ADGRL3: variants seen among roughly 807,000 people sequenced by gnomAD.
ADGRL3 encodes the protein calcium-independent alpha-latrotoxin receptor 3.
Under a neutral mutation model 153.5 loss-of-function variants are expected in ADGRL3, and 62 were observed. The ratio of observed to expected loss-of-function variants is 0.40; its 90% CI spans 0.33 to 0.50. ADGRL3 has a LOEUF of 0.50. ADGRL3 is among the 20% of genes least tolerant of loss of function. The probability of loss-of-function intolerance (pLI) is 0.47; values close to 1 mark genes in which losing one functional copy is unlikely to be tolerated. For synonymous variants in ADGRL3, 710 were observed against 672.5 expected, an observed-to-expected ratio of 1.06 and a Z score of -0.86; for missense variants, 1,641 against 1,859.4, an observed-to-expected ratio of 0.88 and a Z score of 2.16.
intron 9 of ADGRL3, among the ~76,000 whole-genome samples, chr4:61,874,419 C>G (rs2098462270): frequency 6.6e-6 from 1 of 152,090 alleles, no homozygotes; most frequent in Non-Finnish European, 1.5e-5. Context: ...TAATCACGTG[C>G]ACATAATCAC....
intron 1 of ADGRL3, among the ~76,000 whole-genome samples, chr4:61,284,949 A>C (rs963055468): frequency 6.8e-6 from 1 of 147,974 alleles, no homozygotes; most frequent in African/African-American, 2.6e-5. Flanking sequence ...TTGTTTTTTC[A>C]TGTATGTTAC....
intron 25 of ADGRL3, among the ~76,000 whole-genome samples, chr4:62,056,668 A>G: frequency 6.6e-6 from 1 of 152,060 alleles, no homozygotes; most frequent in South Asian, 2.1e-4. Flanking sequence ...TCTGAAAACA[A>G]AAACAGAGAG....
At chr4:61,790,490 A>C (rs1186757706) in intron 8 of ADGRL3, among the ~76,000 whole-genome samples, 1 of 152,186 alleles carries the variant, frequency 6.6e-6, no homozygotes, top group East Asian at 1.9e-4. Flanking sequence ...GAACAGTAAA[A>C]GATTAACAAC....
chr4:61,561,799 T>TATC (rs766225216), intron 4 of ADGRL3, among the ~76,000 whole-genome samples: 1 of 151,572 alleles, frequency 6.6e-6, no homozygotes, highest in Non-Finnish European at 1.5e-5. Context: ...ACTTTAGAAT[T>TATC]ATTATTATTA....
At chr4:61,879,926 A>G (rs996848604) in intron 9 of ADGRL3, among the ~76,000 whole-genome samples, 1 of 151,982 alleles carries the variant, frequency 6.6e-6, no homozygotes, top group Admixed American at 6.6e-5. Flanking sequence ...GGGTCTTGCT[A>G]TATTGTCCAG....
intron 1 of ADGRL3, among the ~76,000 whole-genome samples, chr4:61,306,377 C>T (rs1002265545): frequency 5.9e-5 from 9 of 152,082 alleles, no homozygotes; most frequent in African/African-American, 1.4e-4. Flanking sequence ...GGATTACAGG[C>T]GTGAGTCACC....
At chr4:61,286,277 G>A (rs1361588965) in intron 1 of ADGRL3, among the ~76,000 whole-genome samples, 3 of 150,146 alleles carry the variant, frequency 2.0e-5, no homozygotes, top group African/African-American at 4.9e-5. Context: ...CCGAATTCAT[G>A]TAATCCTCAG....
chr4:61,543,714 A>G (rs1352749819), intron 4 of ADGRL3, among the ~76,000 whole-genome samples: 3 of 152,226 alleles, frequency 2.0e-5, no homozygotes, highest in Non-Finnish European at 4.4e-5. Context: ...TCCTTAATAG[A>G]ATAGAAAATG....
At chr4:61,995,237 G>A (rs1027891934) in intron 19 of ADGRL3, among the ~76,000 whole-genome samples, 2 of 150,986 alleles carry the variant, frequency 1.3e-5, no homozygotes, top group African/African-American at 4.9e-5. Context: ...ATTGACATAC[G>A]TAGATCTACT....
At chr4:61,977,734 A>C (rs1448686014) in intron 17 of ADGRL3, among the ~76,000 whole-genome samples, 1 of 152,070 alleles carries the variant, frequency 6.6e-6, no homozygotes, top group East Asian at 1.9e-4. Context: ...GATGAAGTTA[A>C]AAAAATGAAG....
intron 5 of ADGRL3, among the ~76,000 whole-genome samples, chr4:61,623,633 G>T (rs1316047976): frequency 1.3e-5 from 2 of 152,040 alleles, no homozygotes; most frequent in African/African-American, 2.4e-5. Flanking sequence ...TAGGCAATTT[G>T]TACCTGACCT....
chr4:61,506,747 G>T (rs914319928), intron 3 of ADGRL3, among the ~76,000 whole-genome samples: 8 of 152,034 alleles, frequency 5.3e-5, no homozygotes, highest in Non-Finnish European at 8.8e-5. Context: ...CTAAATTAGA[G>T]AAATCATTGT....
chr4:61,635,529 A>G (rs1400380392), intron 5 of ADGRL3, among the ~76,000 whole-genome samples: 8 of 152,130 alleles, frequency 5.3e-5, no homozygotes, highest in Non-Finnish European at 1.2e-4. Context: ...GACAGCACAC[A>G]AGAACTAAGA....
chr4:61,744,943 A>G (rs1211119406), intron 8 of ADGRL3, among the ~76,000 whole-genome samples: 1 of 152,138 alleles, frequency 6.6e-6, no homozygotes, highest in Non-Finnish European at 1.5e-5. Context: ...TTAAAACCAA[A>G]GGCAAAGAAG....
At chr4:61,804,639 T>A (rs1240677269) in intron 8 of ADGRL3, among the ~76,000 whole-genome samples, 1 of 152,192 alleles carries the variant, frequency 6.6e-6, no homozygotes, top group Non-Finnish European at 1.5e-5. Context: ...GACTCTGGTA[T>A]TGAAAGACCT....
intron 8 of ADGRL3, among the ~76,000 whole-genome samples, chr4:61,812,685 G>A (rs537872316): frequency 4.6e-4 from 70 of 152,166 alleles, no homozygotes; most frequent in African/African-American, 1.4e-3. Context: ...ATTATTATCA[G>A]TATACAAACA....
rs552052133 is a variant in ADGRL3, at chr4:61,370,068, T to C, written c.-239-13056T>C. On this transcript the variant is annotated intron_variant, in intron 1 of 26. Coordinates refer to ENST00000683033, the MANE Select transcript of ADGRL3 (RefSeq NM_001387552.1). ...GTAGTTTGTATTTCTGTGGGATCGG[T>C]GGTGATATCCCCTTTATCATTTTCT... is the stretch of plus-strand genomic sequence containing the variant. Among the ~76,000 whole-genome samples, 1,110 of 152,282 alleles carry C rather than the reference T, an allele frequency of 7.3e-3. 17 individuals carry two copies. The highest frequency in any genetic ancestry group is 8.1e-3 in the Non-Finnish European group (550 of 68,024).
At chr4:61,870,526 C>T (rs2098437502) in intron 9 of ADGRL3, among the ~76,000 whole-genome samples, 1 of 152,086 alleles carries the variant, frequency 6.6e-6, no homozygotes, top group Admixed American at 6.5e-5. Context: ...ATCCACAGAA[C>T]TGGAGAAATG....
intron 5 of ADGRL3, among the ~76,000 whole-genome samples, chr4:61,596,372 A>G (rs1266878940): frequency 1.3e-5 from 2 of 152,214 alleles, no homozygotes; most frequent in East Asian, 3.9e-4. Flanking sequence ...AGACAGAGCA[A>G]TCTTCACAGT....
Sources: allele counts gnomAD v4.1 joint callset (sites outside exome capture counted in the v4.1 genomes callset), GRCh38; gene constraint gnomAD v4.1.1; transcripts MANE v1.5; gene names NCBI Gene and HGNC (gene_info 2026-07-23, HGNC 2026-07-21).